Variants in PSD2 observed in about 807,000 individuals in gnomAD.
The protein encoded by PSD2 is pleckstrin and Sec7 domain containing 2, also known as PH and SEC7 domain-containing protein 2.
PSD2 carries 38 observed loss-of-function variants against 69.8 expected under a neutral mutation model. The ratio of observed to expected loss-of-function variants is 0.54; its 90% CI spans 0.42 to 0.71. The LOEUF is 0.71. PSD2 is among the 30% of genes least tolerant of loss of function. PSD2 has a pLI of 0.00. For synonymous variants in PSD2, 412 were observed against 423.0 expected (o/e 0.97, Z 0.32); for missense variants, 943 against 1,014.5 (o/e 0.93, Z 0.96).
the PSD2 span, among the ~76,000 whole-genome samples, chr5:139,788,915 C>T: frequency 1.3e-4 from 20 of 152,366 alleles, no homozygotes; most frequent in South Asian, 3.9e-3. Context: ...TTACCTCAGC[C>T]TTGCTGGCCC....
At chr5:139,816,482 C>T (rs532509505) in intron 4 of PSD2, among the ~76,000 whole-genome samples, 1 of 152,308 alleles carries the variant, frequency 6.6e-6, no homozygotes, top group African/African-American at 2.4e-5. Flanking sequence ...GTTGAAGAAA[C>T]CAAGCCATTT....
At chr5:139,802,574 G>T (rs922908534) in intron 1 of PSD2, among the ~76,000 whole-genome samples, 2 of 151,852 alleles carry the variant, frequency 1.3e-5, no homozygotes, top group African/African-American at 2.4e-5. Context: ...GTGGCCCAGT[G>T]GTCAGTCTGG....
In PSD2 at chr5:139,809,728, C is replaced by T; in HGVS notation, c.288C>T (p.Ser96=). The change falls in exon 2 of 15, where the codon TCC becomes TCT. Residue 96 remains serine, a synonymous_variant. Coordinates refer to ENST00000274710, the MANE Select transcript of PSD2 (RefSeq NM_032289.4). The part of the protein sequence containing the change: ...DLNILEDSAE[S]RPWRAGVLAE... ...ACATTCTGGAAGATTCAGCGGAGTC[C>T]AGGCCCTGGAGGGCTGGCGTGCTGG... The T allele has an allele frequency of 6.2e-7, 1 of 1,614,244 alleles. No homozygotes were observed. The highest frequency in any genetic ancestry group is 8.5e-7 in the Non-Finnish European group (1 of 1,180,048).
In PSD2 at chr5:139,837,805, C is replaced by T. The variant is rs1169604984; in HGVS notation, c.1823+23C>T. ...ACCGTGAGTAGGAGCTGGAGCCCTT[C>T]ACTCCCACCTGGGGCCCAGGGCCAC... On this transcript the variant is annotated intron_variant, in intron 12 of 14. Transcript: ENST00000274710. This position sits in a 1 kb window ranked among gnomAD's most constrained non-coding sequence, Gnocchi z 5.0. 2.5e-6 allele frequency: 4 copies of T among 1,594,104 alleles called. No homozygotes were observed. Among genetic ancestry groups the T allele is most frequent in the Non-Finnish European group, 3.4e-6 (4 of 1,166,116 alleles).
Position 139,814,022 on chromosome 5 carries a change from A to G in PSD2, c.822-148A>G. 1.2e-6 allele frequency: 1 copy of G among 800,432 alleles called. No homozygotes were observed. 49.6% of individuals were successfully genotyped at this position (800,432 alleles called of 1,614,324 possible). On this transcript the variant is annotated intron_variant, in intron 3 of 14. Transcript: ENST00000274710. The surrounding 1 kb of genome is among the most constrained non-coding windows in gnomAD (Gnocchi z 4.4). ...CTTGAGAGGTTCTTCTGAAAGTCTG[A>G]TTTCATTCCCTCCGGCTGCAGTGGA...
In PSD2 at chr5:139,814,792, T is replaced by C. The variant is rs1420568352; in HGVS notation, c.1016+428T>C. On this transcript the variant is annotated intron_variant, in intron 4 of 14. Coordinates refer to ENST00000274710, the MANE Select transcript of PSD2 (RefSeq NM_032289.4). The surrounding 1 kb of genome is among the most constrained non-coding windows in gnomAD (Gnocchi z 4.4). ...GGCCTTCATTAAGCCCTACTATCTA[T>C]TGGGACAAGCTGAAGGGGCTGAAGC... Among the ~76,000 whole-genome samples the C allele has an allele frequency of 6.6e-6, 1 of 151,894 alleles. No homozygotes were observed. The highest frequency in any genetic ancestry group is 1.5e-5 in the Non-Finnish European group (1 of 67,944).
chr5:139,781,560 C>T, the PSD2 span, among the ~76,000 whole-genome samples: 1 of 151,974 alleles, frequency 6.6e-6, no homozygotes, highest in Non-Finnish European at 1.5e-5. Flanking sequence ...TGGTCTTGAT[C>T]TTCTGACCTC....
chr5:139,800,719 G>T (rs188191937), intron 1 of PSD2, among the ~76,000 whole-genome samples: 74 of 152,300 alleles, frequency 4.9e-4, no homozygotes, highest in African/African-American at 1.8e-3. Flanking sequence ...TCACTGCTCT[G>T]CTTTCTTCTG....
At chr5:139,783,521 C>T in the PSD2 span, among the ~76,000 whole-genome samples, 1 of 152,316 alleles carries the variant, frequency 6.6e-6, no homozygotes, top group East Asian at 1.9e-4. Flanking sequence ...ATGGATGTAG[C>T]ACATATTGTT....
At chr5:139,748,587 C>T in the PSD2 span, among the ~76,000 whole-genome samples, 1 of 152,262 alleles carries the variant, frequency 6.6e-6, no homozygotes, top group East Asian at 1.9e-4. Flanking sequence ...CTCATGTGCA[C>T]ACTCATTCCC....
chr5:139,827,322 A>T (rs1297722508), intron 7 of PSD2, among the ~76,000 whole-genome samples: 1 of 152,242 alleles, frequency 6.6e-6, no homozygotes, highest in Non-Finnish European at 1.5e-5. Flanking sequence ...CTCCATGCCC[A>T]TGTGGCTGTG....
the PSD2 span, among the ~76,000 whole-genome samples, chr5:139,788,186 C>G: frequency 6.2e-4 from 94 of 151,946 alleles, no homozygotes; most frequent in East Asian, 4.1e-3. Flanking sequence ...CGCGCCCCCC[C>G]CCGAACCCGT....
chr5:139,768,216 G>A, the PSD2 span, among the ~76,000 whole-genome samples: 1 of 152,242 alleles, frequency 6.6e-6, no homozygotes. Context: ...GGGAGGAAGA[G>A]GAGGGAGAAA....
intron 2 of PSD2, among the ~76,000 whole-genome samples, chr5:139,811,848 C>T (rs1000654909): frequency 6.6e-6 from 1 of 152,186 alleles, no homozygotes; most frequent in African/African-American, 2.4e-5. Context: ...CTGTCTCGGC[C>T]TCCCAAAGTG....
At position 139,842,445 on chromosome 5, in the gene PSD2, A is replaced by T; in HGVS notation, c.2287A>T (p.Thr763Ser). 1 of 1,614,132 alleles carries T rather than the reference A, an allele frequency of 6.2e-7. No individual in the cohort carries two copies. Among genetic ancestry groups the T allele is most frequent in the Non-Finnish European group, 8.5e-7 (1 of 1,180,018 alleles). ...GGGCCATGTGACTGGCAGCAAAACCACAAAGGATGCCACTGGGCCTGATAC... is the reference window on the plus strand; with the variant it reads ...GGGCCATGTGACTGGCAGCAAAACCTCAAAGGATGCCACTGGGCCTGATAC... ...SQGHVTGSKT[T>S]KDATGPDT Residue 763 changes from threonine (T) to serine (S), a missense_variant, in exon 15 of 15, where the codon ACA becomes TCA. Physicochemically the swap from Thr to Ser is moderately conservative, Grantham distance 58 (BLOSUM62 1). Around this residue, in one of 3 missense-constraint regions of PSD2, gnomAD observed 165 missense variants for 168.8 expected, o/e 0.98. Coordinates refer to ENST00000274710, the MANE Select transcript of PSD2 (RefSeq NM_032289.4).
the PSD2 span, among the ~76,000 whole-genome samples, chr5:139,790,037 A>G: frequency 1.3e-5 from 2 of 151,906 alleles, no homozygotes; most frequent in Non-Finnish European, 2.9e-5. Flanking sequence ...CTTTGGAGGA[A>G]CAGGGAGGGG....
the PSD2 span, among the ~76,000 whole-genome samples, chr5:139,759,864 C>A: frequency 6.6e-6 from 1 of 152,374 alleles, no homozygotes; most frequent in East Asian, 1.9e-4. Flanking sequence ...GCCCTGCTGG[C>A]ATGCCTGGGG....
At chr5:139,799,641 G>T (rs1759617273) in intron 1 of PSD2, among the ~76,000 whole-genome samples, 1 of 152,176 alleles carries the variant, frequency 6.6e-6, no homozygotes, top group South Asian at 2.1e-4. Context: ...CCAGCACATG[G>T]GAAAGAGACC....
the PSD2 span, among the ~76,000 whole-genome samples, chr5:139,766,810 G>A: frequency 3.9e-5 from 5 of 127,554 alleles, no homozygotes; most frequent in Admixed American, 3.5e-4. Flanking sequence ...CTGGGTTTGA[G>A]TCTGGGCAAG....
Sources: allele counts gnomAD v4.1 joint callset (sites outside exome capture counted in the v4.1 genomes callset), GRCh38; gene constraint gnomAD v4.1.1; regional missense constraint gnomAD v4.1.1; non-coding constraint Gnocchi (gnomAD v3.1); transcripts MANE v1.5; gene names NCBI Gene and HGNC (gene_info 2026-07-23, HGNC 2026-07-21).